The following DOCK8 variants were observed in gnomAD, a reference collection of about 807,000 sequenced individuals.
The protein encoded by DOCK8 is dedicator of cytokinesis protein 8.
Under a neutral mutation model 245.6 loss-of-function variants are expected in DOCK8, and 141 were observed. The observed-to-expected ratio is 0.57, with a 90% CI of 0.50 to 0.66. The LOEUF is 0.66. Among genes scored for constraint, DOCK8 ranks in the 30% least tolerant of loss-of-function variants. DOCK8 has a pLI of 0.00. For synonymous variants in DOCK8, 1,168 were observed against 970.2 expected (o/e 1.20, Z -3.79); for missense variants, 2,965 against 2,603.4 (o/e 1.14, Z -3.02).
chr9:405,422 T>G (rs1463679208), intron 27 of DOCK8, among the ~76,000 whole-genome samples: 1 of 152,152 alleles, frequency 6.6e-6, no homozygotes, highest in Non-Finnish European at 1.5e-5. Context: ...AGTAAATAAG[T>G]TTTGGAAACC....
chr9:411,823 A>C (rs940340193), intron 28 of DOCK8, among the ~76,000 whole-genome samples: 1 of 152,214 alleles, frequency 6.6e-6, no homozygotes, highest in Non-Finnish European at 1.5e-5. Flanking sequence ...AATAAAATAA[A>C]GGACAAAACC....
At chr9:287,307 AAACT>A (rs2048862300) in intron 3 of DOCK8, among the ~76,000 whole-genome samples, 2 of 152,238 alleles carry the variant, frequency 1.3e-5, no homozygotes, top group African/African-American at 4.8e-5. Flanking sequence ...TTTTGGCATC[AAACT>A]AACTGTGGAA....
Position 414,886 on chromosome 9 carries a change from C to G in DOCK8, c.3635C>G (p.Ala1212Gly). 1.2e-6 allele frequency: 2 copies of G among 1,614,184 alleles called. No individual in the cohort carries two copies. The highest frequency in any genetic ancestry group is 1.7e-6 in the Non-Finnish European group (2 of 1,180,036). Reference protein sequence around the residue: ...CVKPEVKVKIAALYLPLVGII... With the variant: ...CVKPEVKVKIGALYLPLVGII... The stretch of plus-strand genomic sequence containing the variant: ...AAACCAGAGGTGAAGGTCAAAATCG[C>G]CGCCCTTTACCTACCTTTAGTTGGC... The change falls in exon 29 of 48, where the codon GCC (alanine) becomes GGC (glycine). Residue 1212 changes from alanine (A) to glycine (G), a missense_variant. Around this residue, in one of 3 missense-constraint regions of DOCK8, gnomAD observed 2,825 missense variants for 2,453.5 expected, o/e 1.15. Coordinates refer to ENST00000432829, the MANE Select transcript of DOCK8 (RefSeq NM_203447.4).
chr9:228,218 G>C (rs1313891793), intron 1 of DOCK8, among the ~76,000 whole-genome samples: 4 of 152,114 alleles, frequency 2.6e-5, no homozygotes, highest in African/African-American at 9.7e-5. Context: ...GCTGAACAAA[G>C]GATGTGCTGA....
chr9:271,382 T>C (rs553538163), intron 1 of DOCK8, among the ~76,000 whole-genome samples: 35 of 151,836 alleles, frequency 2.3e-4, no homozygotes, highest in African/African-American at 7.8e-4. Context: ...TCTGTCATCA[T>C]CCTTCCAGTA....
intron 20 of DOCK8, among the ~76,000 whole-genome samples, chr9:378,974 A>G (rs559722812): frequency 1.3e-5 from 2 of 152,282 alleles, no homozygotes; most frequent in South Asian, 4.1e-4. Flanking sequence ...AGACGGCTTC[A>G]TGGAGGAGGT....
intron 1 of DOCK8, among the ~76,000 whole-genome samples, chr9:229,041 T>A (rs775466177): frequency 2.0e-5 from 3 of 152,208 alleles, no homozygotes; most frequent in African/African-American, 4.8e-5. Flanking sequence ...GCAAGGCTTC[T>A]TGAGGCTTAA....
chr9:231,383 A>G lies in DOCK8; in HGVS notation c.53+16354A>G, dbSNP rs549896730. Reference sequence around the variant, plus strand: ...TGGCTTAGGATTGACTTGGTGATGCAGGCTCTTTTTTGGTTCCATATGAAC... The same window carrying G: ...TGGCTTAGGATTGACTTGGTGATGCGGGCTCTTTTTTGGTTCCATATGAAC... On this transcript the variant is annotated intron_variant, in intron 1 of 47. Transcript: ENST00000432829. Among the ~76,000 whole-genome samples, 543 of 152,122 alleles carry G rather than the reference A, an allele frequency of 3.6e-3. 2 individuals are homozygous for G. Among genetic ancestry groups the G allele is most frequent in the African/African-American group, 0.012 (514 of 41,498 alleles).
chr9:235,365 G>C (rs1434497844), intron 1 of DOCK8, among the ~76,000 whole-genome samples: 2 of 152,200 alleles, frequency 1.3e-5, no homozygotes, highest in African/African-American at 4.8e-5. Flanking sequence ...TGAGGAGGCA[G>C]TCTGCCCGTT....
At chr9:248,079 C>T (rs79154486) in intron 1 of DOCK8, among the ~76,000 whole-genome samples, 2,658 of 152,044 alleles carry the variant, frequency 0.017, 45 homozygotes, top group South Asian at 0.048. Flanking sequence ...GCATTAAGTC[C>T]AATACAGAGA....
chr9:426,871 T>C lies in DOCK8; in HGVS notation c.4242-14T>C, dbSNP rs1564055055. ...TTGACATGCGCTTTAATTTGACCTC[T>C]TGTTGTTTCCTAGAACAAAGGCCGA... is the stretch of plus-strand genomic sequence containing the variant. On this transcript the variant is annotated splice_polypyrimidine_tract_variant and intron_variant, in intron 33 of 47. Transcript: ENST00000432829. 3.1e-6 allele frequency: 5 copies of C among 1,613,138 alleles called. No homozygotes were observed. The highest frequency in any genetic ancestry group is 4.2e-6 in the Non-Finnish European group (5 of 1,179,222).
chr9:455,995 T>C (rs1022244355), intron 46 of DOCK8, among the ~76,000 whole-genome samples: 2 of 152,200 alleles, frequency 1.3e-5, no homozygotes, highest in African/African-American at 4.8e-5. Context: ...CCAATATCAG[T>C]AGGACAAGGC....
At chr9:400,162 ACCACCT>A (rs2054768332) in intron 26 of DOCK8, among the ~76,000 whole-genome samples, 2 of 76,590 alleles carry the variant, frequency 2.6e-5, no homozygotes, top group Admixed American at 1.4e-4. Flanking sequence ...CACCACCACC[ACCACCT>A]CCACCATCAC....
Position 334,298 on chromosome 9 carries a change from C to T in DOCK8, c.1199C>T (p.Pro400Leu), listed in dbSNP as rs769995046. 1.2e-6 allele frequency: 2 copies of T among 1,614,148 alleles called. No homozygotes were observed. The highest frequency in any genetic ancestry group is 3.3e-5 in the Admixed American group (2 of 60,026). Reference protein sequence around the residue: ...FCQRLGKYRMPFAWAPISLSS... With the variant: ...FCQRLGKYRMLFAWAPISLSS... ...CAGCGTTTGGGGAAATACCGGATGC[C>T]CTTTGCCTGGGCACCCATAAGCTTA... The change falls in exon 11 of 48, where the codon CCC (proline) becomes CTC (leucine). Residue 400 changes from proline (P) to leucine (L), a missense_variant. Physicochemically the swap from Pro to Leu is moderately conservative, Grantham distance 98. Transcript: ENST00000432829.
Position 449,860 on chromosome 9 carries a change from A to G in DOCK8, c.5894A>G (p.Gln1965Arg). 1 of 1,613,774 alleles carries G rather than the reference A, an allele frequency of 6.2e-7. No individual in the cohort carries two copies. The highest frequency in any genetic ancestry group is 1.1e-5 in the South Asian group (1 of 91,060). Reference sequence around the variant, plus strand: ...CTGCAGTTAGCAGTTGCCATTAACCAGGAGCCGCCTGATGCAAAGATGCTT... The same window carrying G: ...CTGCAGTTAGCAGTTGCCATTAACCGGGAGCCGCCTGATGCAAAGATGCTT... ...KTLQLAVAIN[Q>R]EPPDAKMLQM... Residue 1965 changes from glutamine (Q) to arginine (R), a missense_variant, in exon 45 of 48, where the codon CAG becomes CGG. By Grantham distance (43) the Gln-to-Arg change is conservative (BLOSUM62 1). Transcript: ENST00000432829.
chr9:308,453 A>C (rs553818204), intron 5 of DOCK8, among the ~76,000 whole-genome samples: 1 of 152,260 alleles, frequency 6.6e-6, no homozygotes, highest in African/African-American at 2.4e-5. Context: ...AATGTTTTCA[A>C]TTCCACTCTC....
At chr9:278,456 C>T (rs918822303) in intron 2 of DOCK8, among the ~76,000 whole-genome samples, 10 of 152,212 alleles carry the variant, frequency 6.6e-5, no homozygotes, top group African/African-American at 2.4e-4. Context: ...GAAGATACAA[C>T]AGTGAATACA....
At chr9:249,850 A>G (rs2047607215) in intron 1 of DOCK8, among the ~76,000 whole-genome samples, 1 of 150,930 alleles carries the variant, frequency 6.6e-6, no homozygotes, top group Admixed American at 6.6e-5. Context: ...TTGGTCTCGA[A>G]CTCCTGACCT....
chr9:236,148 G>C (rs1165805566), intron 1 of DOCK8, among the ~76,000 whole-genome samples: 30 of 152,052 alleles, frequency 2.0e-4, no homozygotes, highest in Admixed American at 2.0e-3. Context: ...CTGGTTCTTT[G>C]TGTCTTTGTG....
Sources: allele counts gnomAD v4.1 joint callset (sites outside exome capture counted in the v4.1 genomes callset), GRCh38; gene constraint gnomAD v4.1.1; regional missense constraint gnomAD v4.1.1; transcripts MANE v1.5; gene names NCBI Gene and HGNC (gene_info 2026-07-23, HGNC 2026-07-21).